The following UBAP2 variants were observed in gnomAD, a reference collection of about 807,000 sequenced individuals.
The protein encoded by UBAP2 is ubiquitin associated protein 2, also known as ubiquitin-associated protein 2.
UBAP2 carries 75 observed loss-of-function variants against 139.6 expected under a neutral mutation model. The observed-to-expected ratio is 0.54, with a 90% CI of 0.45 to 0.65. UBAP2 has a LOEUF of 0.65. UBAP2 is among the 30% of genes least tolerant of loss of function. The pLI is 0.00. For synonymous variants in UBAP2, 526 were observed against 526.2 expected (o/e 1.00, Z 0.01); for missense variants, 1,368 against 1,369.6 (o/e 1.00, Z 0.02).
Position 33,922,298 on chromosome 9 carries a change from C to A in UBAP2, c.*206G>T. ...GCTAACATCTGCCGCCATCCCCCAA[C>A]TCCCCCCCAGACTTCTATCACATTT... On this transcript the variant is annotated 3_prime_UTR_variant, in exon 29 of 29. Transcript: ENST00000379238. 1 of 578,976 alleles carries A rather than the reference C, an allele frequency of 1.7e-6. No homozygotes were observed. Among genetic ancestry groups the A allele is most frequent in the South Asian group, 2.1e-5 (1 of 48,438 alleles). 35.9% of individuals were successfully genotyped at this position (578,976 alleles called of 1,614,324 possible).
intron 6 of UBAP2, among the ~76,000 whole-genome samples, chr9:33,983,851 G>C (rs542733535): frequency 3.3e-5 from 5 of 152,208 alleles, no homozygotes; most frequent in African/African-American, 1.2e-4. Flanking sequence ...ATTATACTTG[G>C]TTTTTACCAA....
In UBAP2 at chr9:33,933,640, G is replaced by A. The variant is rs776901095; in HGVS notation, c.1970-12C>T. 7 of 1,613,230 alleles carry A rather than the reference G, an allele frequency of 4.3e-6. No individual in the cohort carries two copies. Among genetic ancestry groups the A allele is most frequent in the Non-Finnish European group, 5.9e-6 (7 of 1,179,784 alleles). ...TGTTGTCTTTGGAGCTGGAACAGAT[G>A]AAGTAGCTGTAAGAAGCAGATCTGT... is the stretch of plus-strand genomic sequence containing the variant. On this transcript the variant is annotated splice_polypyrimidine_tract_variant and intron_variant, in intron 17 of 28. Coordinates refer to ENST00000379238, the MANE Select transcript of UBAP2 (RefSeq NM_001370062.2).
chr9:33,953,279 A>G lies in UBAP2; in HGVS notation c.1056+6T>C. On this transcript the variant is annotated splice_donor_region_variant and intron_variant, in intron 12 of 28. Transcript: ENST00000379238. Reference sequence around the variant, plus strand: ...AAAATCCCACACTGAAATAAAAGTGAGTTACCAGGCTCTGAGGAGAACAGG... The same window carrying G: ...AAAATCCCACACTGAAATAAAAGTGGGTTACCAGGCTCTGAGGAGAACAGG... The G allele has an allele frequency of 1.2e-6, 2 of 1,608,392 alleles. No individual in the cohort carries two copies. Among genetic ancestry groups the G allele is most frequent in the Non-Finnish European group, 1.7e-6 (2 of 1,177,062 alleles).
chr9:33,989,006 GGTT>G lies in UBAP2; in HGVS notation c.406_408del (p.Asn136del), dbSNP rs1564049904. 4 of 1,613,410 alleles carry G rather than the reference GGTT, an allele frequency of 2.5e-6. No individual in the cohort carries two copies. Among genetic ancestry groups the G allele is most frequent in the East Asian group, 2.2e-5 (1 of 44,842 alleles). ...CCACGATTGCCGCCTCTTCCTTTCCGGTTGTTGTTTCCACGTCCACGACTCGAT... is the reference window on the plus strand; with the variant it reads ...CCACGATTGCCGCCTCTTCCTTTCCGGTTGTTTCCACGTCCACGACTCGAT... On this transcript the variant is annotated inframe_deletion, in exon 5 of 29. Transcript: ENST00000379238.
At chr9:34,013,582 T>G (rs1364065399) in intron 2 of UBAP2, among the ~76,000 whole-genome samples, 1 of 151,416 alleles carries the variant, frequency 6.6e-6, no homozygotes, top group Non-Finnish European at 1.5e-5. Context: ...AATTGAGTAA[T>G]TAACATCTTA....
chr9:33,983,714 G>C (rs907526871), intron 6 of UBAP2, among the ~76,000 whole-genome samples: 20 of 152,198 alleles, frequency 1.3e-4, no homozygotes, highest in African/African-American at 4.8e-4. Flanking sequence ...ATTAGCAGAG[G>C]TGTACGTGCC....
rs564474713 is a variant in UBAP2, at chr9:34,039,957, A to G, written c.-42+8868T>C. 5.9e-5 allele frequency among the ~76,000 whole-genome samples: 9 copies of G among 151,910 alleles called. No homozygotes were observed. The South Asian group carries it at 1.9e-3, about 32-fold the overall frequency. On this transcript the variant is annotated intron_variant, in intron 1 of 28. Coordinates refer to ENST00000379238, the MANE Select transcript of UBAP2 (RefSeq NM_001370062.2). ...GCGATCACCTGAGGTCGGGAGTTCA[A>G]GACCAGCCTGATGAACATGGAGAAA...
At chr9:34,035,852 C>T (rs994737154) in intron 1 of UBAP2, among the ~76,000 whole-genome samples, 2 of 151,526 alleles carry the variant, frequency 1.3e-5, no homozygotes, top group Non-Finnish European at 1.5e-5. Context: ...TTTGCCTTCA[C>T]GTTCCACAGG....
intron 6 of UBAP2, among the ~76,000 whole-genome samples, chr9:33,975,799 CT>C (rs1368842656): frequency 7.2e-6 from 1 of 138,004 alleles, no homozygotes; most frequent in Non-Finnish European, 1.6e-5. Flanking sequence ...AAGACTCCGT[CT>C]CAAAAAAAAA....
intron 6 of UBAP2, among the ~76,000 whole-genome samples, chr9:33,982,870 GT>G (rs1011770490): frequency 4.8e-5 from 7 of 145,156 alleles, no homozygotes; most frequent in African/African-American, 5.0e-5. Flanking sequence ...AATGTGTGGT[GT>G]TTTTTTTTGT....
intron 1 of UBAP2, among the ~76,000 whole-genome samples, chr9:34,041,089 GAC>G (rs1827031958): frequency 6.6e-6 from 1 of 152,142 alleles, no homozygotes; most frequent in East Asian, 1.9e-4. Flanking sequence ...CTGGAAATGA[GAC>G]AAATATCCAT....
intron 1 of UBAP2, among the ~76,000 whole-genome samples, chr9:34,032,916 C>CAAAAAAAAAAAAAAAAAAAATA: frequency 8.5e-6 from 1 of 118,074 alleles, no homozygotes; most frequent in African/African-American, 3.3e-5. Flanking sequence ...ACCCTGTCTT[C>CAAAAAAAAAAAAAAAAAAAATA]AAAAAAAAAA....
chr9:34,042,757 G>C (rs952667691), intron 1 of UBAP2, among the ~76,000 whole-genome samples: 2 of 151,892 alleles, frequency 1.3e-5, no homozygotes, highest in African/African-American at 4.8e-5. Flanking sequence ...CCTATTTCTT[G>C]GTTGTTCATT....
chr9:33,923,411 G>T lies in UBAP2; in HGVS notation c.2864C>A (p.Ala955Asp). ...LSTPTPPFQQASGYGQHGYST... is the reference protein window; with the variant it reads ...LSTPTPPFQQDSGYGQHGYST... The stretch of plus-strand genomic sequence containing the variant: ...GTAGCCGTGCTGGCCATAACCACTG[G>T]CCTGCTGGAAGGGAGGTGTGGGAGT... The change falls in exon 25 of 29, where the codon GCC (alanine) becomes GAC (aspartate). Residue 955 changes from alanine to aspartate, a missense_variant. Physicochemically the swap from Ala to Asp is moderately radical, Grantham distance 126 (BLOSUM62 -2). Coordinates refer to ENST00000379238, the MANE Select transcript of UBAP2 (RefSeq NM_001370062.2). 6.2e-7 allele frequency: 1 copy of T among 1,614,168 alleles called. No individual in the cohort carries two copies. The highest frequency in any genetic ancestry group is 1.1e-5 in the South Asian group (1 of 91,078).
Position 33,926,711 on chromosome 9 carries a change from C to T in UBAP2, c.2464-47G>A, listed in dbSNP as rs372800640. 1.9e-4 allele frequency: 309 copies of T among 1,606,858 alleles called. 1 individual carries two copies. Among genetic ancestry groups the T allele is most frequent in the Non-Finnish European group, 2.5e-4 (297 of 1,173,520 alleles). ...TATTTTAGGAACCACATACCACACC[C>T]TGGGAAGCCCAGGTCCATCTAGGAG... On this transcript the variant is annotated intron_variant, in intron 21 of 28. Transcript: ENST00000379238.
intron 2 of UBAP2, among the ~76,000 whole-genome samples, chr9:34,002,004 T>G (rs970713344): frequency 1.5e-4 from 23 of 151,656 alleles, no homozygotes; most frequent in African/African-American, 4.6e-4. Context: ...CACTCTGTGT[T>G]GGAATGCAGT....
At chr9:33,951,101 G>A (rs1826055155) in intron 12 of UBAP2, among the ~76,000 whole-genome samples, 1 of 151,750 alleles carries the variant, frequency 6.6e-6, no homozygotes, top group Non-Finnish European at 1.5e-5. Flanking sequence ...CAACCTCCTG[G>A]GCTCAAGTGA....
intron 1 of UBAP2, among the ~76,000 whole-genome samples, chr9:34,037,719 C>A (rs1426951934): frequency 6.6e-6 from 1 of 152,020 alleles, no homozygotes; most frequent in East Asian, 1.9e-4. Context: ...AGAAAATAAT[C>A]ATCTGAGAAA....
intron 8 of UBAP2, 53 bp from the exon 9 acceptor site, chr9:33,963,844 T>C: frequency 4.4e-4 from 376 of 860,422 alleles, no homozygotes; most frequent in Non-Finnish European, 6.8e-4. Context: ...AATGAAAGTA[T>C]TCATCACAGA....
Sources: allele counts gnomAD v4.1 joint callset (sites outside exome capture counted in the v4.1 genomes callset), GRCh38; gene constraint gnomAD v4.1.1; transcripts MANE v1.5; gene names NCBI Gene and HGNC (gene_info 2026-07-23, HGNC 2026-07-21).